The following BIRC6 variants were observed in gnomAD, a reference collection of about 807,000 sequenced individuals.
BIRC6 encodes the protein baculoviral IAP repeat containing 6, also known as dual E2 ubiquitin-conjugating enzyme/E3 ubiquitin-protein ligase BIRC6.
BIRC6 carries 98 observed loss-of-function variants against 503.3 expected under a neutral mutation model. The observed-to-expected ratio is 0.19, with a 90% CI of 0.17 to 0.23. The LOEUF (loss-of-function observed/expected upper bound fraction) is 0.23, where lower values mean the gene tolerates loss of function less well. BIRC6 is among the 10% of genes least tolerant of loss of function. The pLI, the probability that BIRC6 is intolerant of heterozygous loss-of-function variation, is 1.00. For missense variants in BIRC6, 5,360 were observed against 5,806.0 expected (o/e 0.92, Z 2.50); for synonymous variants, 2,240 against 2,078.7 (o/e 1.08, Z -2.11).
At chr2:32,398,475 A>G (rs1055677933) in intron 6 of BIRC6, among the ~76,000 whole-genome samples, 2 of 152,182 alleles carry the variant, frequency 1.3e-5, no homozygotes, top group Admixed American at 1.3e-4. Flanking sequence ...TACATGATAA[A>G]ATGTATATGT....
intron 1 of BIRC6, among the ~76,000 whole-genome samples, chr2:32,360,896 A>ATGTG: frequency 6.6e-6 from 1 of 150,592 alleles, no homozygotes; most frequent in Non-Finnish European, 1.5e-5. Flanking sequence ...GTGTGTGTGT[A>ATGTG]TGTGTGTGTG....
intron 34 of BIRC6, 108 bp from the exon 35 acceptor site, chr2:32,477,260 T>G (rs2049870157): frequency 9.0e-7 from 1 of 1,112,920 alleles, no homozygotes; most frequent in African/African-American, 1.6e-5. Flanking sequence ...AAAATTTTGC[T>G]CTTTAGAAGT....
chr2:32,539,113 A>G (rs1478356157), intron 61 of BIRC6, among the ~76,000 whole-genome samples: 1 of 152,256 alleles, frequency 6.6e-6, no homozygotes, highest in African/African-American at 2.4e-5. Flanking sequence ...CTGATAAGAA[A>G]TAAAGAGGAT....
At chr2:32,485,357 G>C (rs978112044) in intron 39 of BIRC6, among the ~76,000 whole-genome samples, 1 of 152,128 alleles carries the variant, frequency 6.6e-6, no homozygotes, top group African/African-American at 2.4e-5. Flanking sequence ...ACTTTATTCT[G>C]ACAGTGAGAA....
At chr2:32,602,915 C>A in intron 70 of BIRC6, 91 bp from the exon 71 acceptor site, 2 of 1,025,976 alleles carry the variant, frequency 1.9e-6, no homozygotes, top group Non-Finnish European at 2.8e-6. Flanking sequence ...GATATTTTGA[C>A]AGGATAGCAT....
intron 12 of BIRC6, among the ~76,000 whole-genome samples, chr2:32,431,626 G>A (rs376669507): frequency 2.5e-4 from 38 of 152,192 alleles, no homozygotes; most frequent in African/African-American, 8.9e-4. Context: ...TATTGCTTTT[G>A]GAAATTGTTA....
intron 1 of BIRC6, among the ~76,000 whole-genome samples, chr2:32,374,196 TAAAA>T (rs573843007): frequency 6.6e-6 from 1 of 152,088 alleles, no homozygotes; most frequent in African/African-American, 2.4e-5. Context: ...TTACCACAAT[TAAAA>T]AAACTACATA....
intron 65 of BIRC6, among the ~76,000 whole-genome samples, chr2:32,553,932 A>AT (rs2058612922): frequency 1.3e-5 from 2 of 152,068 alleles, no homozygotes; most frequent in South Asian, 4.1e-4. Flanking sequence ...CTTTCTCAAC[A>AT]TTTTCACTTC....
At position 32,599,909 on chromosome 2, in the gene BIRC6, A is replaced by G. The variant is rs2061934359; in HGVS notation, c.13992+9A>G. On this transcript the variant is annotated intron_variant, in intron 70 of 73. Coordinates refer to ENST00000421745, the MANE Select transcript of BIRC6 (RefSeq NM_016252.4). ...TTTATAATGATGGCAAGGTAAATTA[A>G]TTGCAATTTTTTGTTTCAAATGCCA... 1.2e-6 allele frequency: 2 copies of G among 1,608,194 alleles called. No individual in the cohort carries two copies. Among genetic ancestry groups the G allele is most frequent in the African/African-American group, 1.3e-5 (1 of 74,772 alleles).
chr2:32,366,995 A>C (rs1237409688), intron 1 of BIRC6, among the ~76,000 whole-genome samples: 12 of 152,222 alleles, frequency 7.9e-5, no homozygotes, highest in Admixed American at 7.9e-4. Flanking sequence ...TAAACATAGA[A>C]ATTTTTTGCA....
In BIRC6 at chr2:32,442,361, C is replaced by A. The variant is rs61735955; in HGVS notation, c.4144C>A (p.Arg1382=). The A allele has an allele frequency of 8.7e-4, 1,403 of 1,612,450 alleles. 11 individuals carry two copies. The African/African-American group carries it at 0.017, about 20-fold the overall frequency. Residue 1382 remains arginine (R), a synonymous_variant, in exon 19 of 74, where the codon CGA becomes AGA. Transcript: ENST00000421745. The part of the protein sequence containing the change: ...EGNENLLSKT[R]KFLSDIVRVC... ...AAATGAGAACCTACTTTCAAAAACACGAAAATTTCTGTCAGACATCGTACG... is the reference window on the plus strand; with the variant it reads ...AAATGAGAACCTACTTTCAAAAACAAGAAAATTTCTGTCAGACATCGTACG...
chr2:32,478,977 T>C (rs1484731097), intron 36 of BIRC6, among the ~76,000 whole-genome samples, 159 bp downstream of exon 36: 1 of 152,208 alleles, frequency 6.6e-6, no homozygotes, highest in African/African-American at 2.4e-5. Context: ...TAGCAACCAT[T>C]GAAAATTACT....
chr2:32,420,759 GC>G (rs1279671935), intron 10 of BIRC6, among the ~76,000 whole-genome samples: 1 of 152,018 alleles, frequency 6.6e-6, no homozygotes, highest in Non-Finnish European at 1.5e-5. Flanking sequence ...TGATTCACCT[GC>G]ATTGGCCTCC....
rs1484471645 is a variant in BIRC6 at position 32,415,097 on chromosome 2, A to G, written c.1806A>G (p.Ile602Met). ...TAAGCAGAACTCAGGGTGAAAGTAT[A>G]TCAGAACAAGGGTCAACTGACAATG... ...DGLSRTQGES[I>M]SEQGSTDNES... The change falls in exon 10 of 74, where the codon ATA becomes ATG. Residue 602 changes from isoleucine to methionine, a missense_variant. Ile to Met is a conservative substitution (Grantham distance 10). Coordinates refer to ENST00000421745, the MANE Select transcript of BIRC6 (RefSeq NM_016252.4). 1.2e-6 allele frequency: 2 copies of G among 1,613,828 alleles called. No individual in the cohort carries two copies. Among genetic ancestry groups the G allele is most frequent in the African/African-American group, 1.3e-5 (1 of 74,942 alleles).
intron 35 of BIRC6, among the ~76,000 whole-genome samples, chr2:32,478,334 C>CA (rs1441881049): frequency 6.6e-6 from 1 of 151,380 alleles, no homozygotes; most frequent in Non-Finnish European, 1.5e-5. Context: ...GAGACTGTCT[C>CA]AAAAAAATAA....
intron 70 of BIRC6, among the ~76,000 whole-genome samples, chr2:32,601,549 C>A (rs2062059474): frequency 1.3e-5 from 2 of 152,028 alleles, no homozygotes; most frequent in African/African-American, 4.8e-5. Flanking sequence ...CCATTGCACT[C>A]CAGCCTGGGC....
At chr2:32,482,283 C>A in intron 38 of BIRC6, 146 bp from the exon 39 acceptor site, 1 of 792,106 alleles carries the variant, frequency 1.3e-6, no homozygotes, top group Non-Finnish European at 1.9e-6. Context: ...TCTTATAAAT[C>A]ATTAAAATTA....
Position 32,416,178 on chromosome 2 carries a change from T to C in BIRC6, c.2872+15T>C, listed in dbSNP as rs965507720. The C allele has an allele frequency of 4.5e-6, 7 of 1,561,972 alleles. No homozygotes were observed. The highest frequency in any genetic ancestry group is 5.2e-6 in the Non-Finnish European group (6 of 1,155,596). ...ATGCACCAAAGGTAAGTTGTCTGAT[T>C]ATGCTATAAATCTTATAAAATCCAT... On this transcript the variant is annotated intron_variant, in intron 10 of 73. Coordinates refer to ENST00000421745, the MANE Select transcript of BIRC6 (RefSeq NM_016252.4).
chr2:32,373,582 G>A (rs939195587), intron 1 of BIRC6, among the ~76,000 whole-genome samples: 1 of 152,124 alleles, frequency 6.6e-6, no homozygotes, highest in African/African-American at 2.4e-5. Context: ...ATACAACAAC[G>A]GAGAATAAGT....
Sources: allele counts gnomAD v4.1 joint callset (sites outside exome capture counted in the v4.1 genomes callset), GRCh38; gene constraint gnomAD v4.1.1; transcripts MANE v1.5; gene names NCBI Gene and HGNC (gene_info 2026-07-23, HGNC 2026-07-21).